ZNF91: variants seen among roughly 807,000 people sequenced by gnomAD.
The protein encoded by ZNF91 is zinc finger protein 91.
ZNF91 carries 7 observed loss-of-function variants against 12.6 expected under a neutral mutation model. The ratio of observed to expected loss-of-function variants is 0.55; its 90% CI spans 0.31 to 1.04. The LOEUF is 1.04. ZNF91 is among the 50% of genes least tolerant of loss of function. The pLI is 0.05. For missense variants in ZNF91, 1,217 were observed against 1,385.4 expected (o/e 0.88, Z 1.93); for synonymous variants, 453 against 462.6 (o/e 0.98, Z 0.27).
In ZNF91 at chr19:23,357,715, T is replaced by C. The variant is rs1968528478; in HGVS notation, c.*1688A>G. ...GAAATATATGGATTTTACTTATGTT[T>C]GTATATAAGTTTTATTATGACCATA... On this transcript the variant is annotated 3_prime_UTR_variant, in exon 4 of 4. Coordinates refer to ENST00000300619, the MANE Select transcript of ZNF91 (RefSeq NM_003430.4). 1 of 152,228 alleles carries C rather than the reference T, an allele frequency of 6.6e-6. No individual in the cohort carries two copies. Among genetic ancestry groups the C allele is most frequent in the Non-Finnish European group, 1.5e-5 (1 of 68,020 alleles). 9.4% of individuals were successfully genotyped at this position (152,228 alleles called of 1,614,324 possible).
At chr19:23,350,119 A>G (rs1968327556) in intron 3 of ZNF91, among the ~76,000 whole-genome samples, 1 of 152,236 alleles carries the variant, frequency 6.6e-6, no homozygotes, top group Non-Finnish European at 1.5e-5. Context: ...GGCTAGCACT[A>G]GACTACTTAT....
At chr19:23,389,129 T>C (rs192121681) in intron 1 of ZNF91, among the ~76,000 whole-genome samples, 1 of 151,922 alleles carries the variant, frequency 6.6e-6, no homozygotes, top group Non-Finnish European at 1.5e-5. Context: ...CAAACCTGCA[T>C]GTGTACCCCT....
At chr19:23,372,409 T>C (rs1169773868) in intron 3 of ZNF91, among the ~76,000 whole-genome samples, 1 of 151,318 alleles carries the variant, frequency 6.6e-6, no homozygotes, top group Non-Finnish European at 1.5e-5. Flanking sequence ...TGGGTTATGT[T>C]GCAAGACCCC....
intron 3 of ZNF91, among the ~76,000 whole-genome samples, chr19:23,346,976 C>T (rs1968246321): frequency 6.6e-6 from 1 of 152,162 alleles, no homozygotes; most frequent in South Asian, 2.1e-4. Flanking sequence ...ACTTCTGTAT[C>T]AACACTGTTC....
At chr19:23,385,204 G>A (rs1288159777) in intron 1 of ZNF91, 3 of 632,710 alleles carry the variant, frequency 4.7e-6, no homozygotes, top group East Asian at 2.7e-5. Flanking sequence ...GTCCCTCTCT[G>A]ATCTTACAGG....
intron 1 of ZNF91, among the ~76,000 whole-genome samples, chr19:23,388,039 A>C: frequency 6.6e-6 from 1 of 151,456 alleles, no homozygotes; most frequent in East Asian, 1.9e-4. Flanking sequence ...TAAGGTCAGG[A>C]GTTCCAGACC....
At position 23,350,579 on chromosome 19, in the gene ZNF91, GT is replaced by G. The variant is rs200415449; in HGVS notation, c.254-11526del. ...GCCTGAAGTAGTTATTGAGAAAGTT[GT>G]CCCTTTTTTCTATAACCAAATAGAC... is the stretch of plus-strand genomic sequence containing the variant. On this transcript the variant is annotated intron_variant, in intron 3 of 3. Coordinates refer to the ZNF91 transcript ENST00000599743. Among the ~76,000 whole-genome samples, 1,413 of 152,254 alleles carry G rather than the reference GT, an allele frequency of 9.3e-3. 12 individuals are homozygous for G. The highest frequency in any genetic ancestry group is 0.028 in the East Asian group (143 of 5,188).
chr19:23,343,300 G>T (rs1426281079), intron 3 of ZNF91, among the ~76,000 whole-genome samples: 1 of 152,158 alleles, frequency 6.6e-6, no homozygotes, highest in African/African-American at 2.4e-5. Flanking sequence ...CAAGAGATCT[G>T]AGATGAGACC....
At position 23,367,827 on chromosome 19, in the gene ZNF91, T is replaced by G. The variant is rs527522267; in HGVS notation, c.254-5102A>C. ...TCTGTTAGAAACTGAATATCCATTC[T>G]GATAAAATAAAGATTATTTCCTTAA... On this transcript the variant is annotated intron_variant, in intron 3 of 3. Transcript: ENST00000300619. Among the ~76,000 whole-genome samples, 3 of 152,338 alleles carry G rather than the reference T, an allele frequency of 2.0e-5. No homozygotes were observed. The South Asian group carries it at 6.2e-4, about 32-fold the overall frequency.
chr19:23,374,937 ACT>A (rs1362367372), intron 1 of ZNF91, among the ~76,000 whole-genome samples, 173 bp from the exon 2 acceptor site: 1 of 152,186 alleles, frequency 6.6e-6, no homozygotes, highest in African/African-American at 2.4e-5. Context: ...GTATTCTCTA[ACT>A]CTGAGAAAAG....
intron 1 of ZNF91, chr19:23,385,123 T>A (rs1347014717): frequency 6.6e-6 from 5 of 760,138 alleles, no homozygotes; most frequent in Admixed American, 6.2e-5. Flanking sequence ...GTACCCCGAA[T>A]GGCCAGCCGA....
intron 3 of ZNF91, among the ~76,000 whole-genome samples, chr19:23,344,923 A>C (rs1024454198): frequency 6.6e-6 from 1 of 152,182 alleles, no homozygotes; most frequent in African/African-American, 2.4e-5. Flanking sequence ...GGACAAAAGA[A>C]GCTCCTCAGC....
chr19:23,352,056 G>C (rs1308702910), intron 3 of ZNF91, among the ~76,000 whole-genome samples: 1 of 152,210 alleles, frequency 6.6e-6, no homozygotes, highest in Non-Finnish European at 1.5e-5. Flanking sequence ...AGAACCCAGG[G>C]GAAGGCGAGA....
At chr19:23,392,105 CAATT>C (rs1970083794) in intron 1 of ZNF91, among the ~76,000 whole-genome samples, 2 of 151,916 alleles carry the variant, frequency 1.3e-5, no homozygotes, top group African/African-American at 4.8e-5. Flanking sequence ...ACGTAGCAAA[CAATT>C]AGTCTGCCGG....
chr19:23,392,306 G>A (rs759673736), intron 1 of ZNF91, among the ~76,000 whole-genome samples: 8 of 144,882 alleles, frequency 5.5e-5, no homozygotes, highest in South Asian at 2.2e-4. Flanking sequence ...TGAGGCAGGA[G>A]AATCACCTGA....
intron 1 of ZNF91, among the ~76,000 whole-genome samples, chr19:23,395,116 G>A (rs1050694569): frequency 1.2e-4 from 18 of 152,168 alleles, no homozygotes; most frequent in African/African-American, 4.3e-4. Context: ...CAGTCACTGG[G>A]CAGGGAAGAG....
Position 23,361,184 on chromosome 19 carries a change from C to T in ZNF91, c.1795G>A (p.Glu599Lys). ...CATTCTTCACACTTGTAAGACTTCT[C>T]TCCAGTATGAATTATCTTATGTGTA... ...LSTHKIIHTGEKSYKCEECGK... is the reference protein window; with the variant it reads ...LSTHKIIHTGKKSYKCEECGK... Residue 599 changes from glutamate to lysine, a missense_variant, in exon 4 of 4, where the codon GAG (glutamate) becomes AAG (lysine). By Grantham distance (56) the Glu-to-Lys change is moderately conservative. Around this residue, in one of 2 missense-constraint regions of ZNF91, gnomAD observed 726 missense variants for 895.5 expected, o/e 0.81. Coordinates refer to ENST00000300619, the MANE Select transcript of ZNF91 (RefSeq NM_003430.4). The T allele has an allele frequency of 6.2e-7, 1 of 1,613,474 alleles. No individual in the cohort carries two copies. The highest frequency in any genetic ancestry group is 8.5e-7 in the Non-Finnish European group (1 of 1,179,784).
chr19:23,385,106 C>T lies in ZNF91; in HGVS notation c.30+10219G>A. The stretch of plus-strand genomic sequence containing the variant: ...AGGGACAGCCACTCCTCCAACCTGT[C>T]CGAACAGTACCCCGAATGGCCAGCC... On this transcript the variant is annotated intron_variant, in intron 1 of 3. Coordinates refer to ENST00000300619, the MANE Select transcript of ZNF91 (RefSeq NM_003430.4). 7 of 813,494 alleles carry T rather than the reference C, an allele frequency of 8.6e-6. No individual in the cohort carries two copies. The South Asian group carries it at 8.9e-5, about 10-fold the overall frequency. The allele number at this position is 813,494 out of a possible 1,614,324, so 50.4% of individuals were successfully genotyped here.
At chr19:23,343,443 G>A (rs1968162413) in intron 3 of ZNF91, among the ~76,000 whole-genome samples, 1 of 152,182 alleles carries the variant, frequency 6.6e-6, no homozygotes, top group Non-Finnish European at 1.5e-5. Context: ...AAAGATGACA[G>A]CCTTCATTTT....
Sources: gnomAD v4.1 joint callset for allele counts (sites outside exome capture counted in the v4.1 genomes callset) on GRCh38, gnomAD v4.1.1 for gene constraint, gnomAD v4.1.1 regional missense constraint, MANE v1.5 for transcripts, NCBI Gene and HGNC (gene_info 2026-07-23, HGNC 2026-07-21) for gene names.